Variants in UBAP1 observed in about 807,000 individuals in gnomAD.
UBAP1 encodes the protein ubiquitin-associated protein 1.
In UBAP1, 5 loss-of-function variants were observed where a neutral mutation model predicts 39.0. The ratio of observed to expected loss-of-function variants is 0.13; its 90% CI spans 0.07 to 0.27. The LOEUF (loss-of-function observed/expected upper bound fraction) is 0.27. Among genes scored for constraint, UBAP1 ranks in the 10% least tolerant of loss-of-function variants. The pLI, the probability that UBAP1 is intolerant of heterozygous loss-of-function variation, is 1.00. For missense variants in UBAP1, 490 were observed against 608.1 expected (o/e 0.81, Z 2.04); for synonymous variants, 211 against 225.1 (o/e 0.94, Z 0.56).
chr9:34,242,817 G>T (rs1834028336), intron 4 of UBAP1, among the ~76,000 whole-genome samples: 1 of 152,192 alleles, frequency 6.6e-6, no homozygotes, highest in Non-Finnish European at 1.5e-5. Flanking sequence ...GAGCCGCTGT[G>T]TCCGGCCAGC....
At chr9:34,196,461 A>G (rs1199326834) in intron 1 of UBAP1, among the ~76,000 whole-genome samples, 1 of 151,384 alleles carries the variant, frequency 6.6e-6, no homozygotes, top group Non-Finnish European at 1.5e-5. Context: ...GATTACAGGT[A>G]TGCATCACCA....
intron 1 of UBAP1, among the ~76,000 whole-genome samples, chr9:34,211,459 G>C (rs1832014269): frequency 6.6e-6 from 1 of 152,116 alleles, no homozygotes; most frequent in Non-Finnish European, 1.5e-5. Context: ...ACTGATTGCA[G>C]CTATTATTTT....
intron 1 of UBAP1, among the ~76,000 whole-genome samples, chr9:34,181,471 C>T (rs1374981629): frequency 3.6e-5 from 5 of 138,434 alleles, no homozygotes; most frequent in East Asian, 2.2e-4. Flanking sequence ...CTCCCTCTGT[C>T]GCCCAGGCTG....
chr9:34,216,475 T>C lies in UBAP1; in HGVS notation c.-7-4433T>C, dbSNP rs186156766. ...GCATCACACAATATTTGTGAACTTT[T>C]ATGTCTTCTTTTTTTTATTTTAAAT... On this transcript the variant is annotated intron_variant, in intron 1 of 6. Coordinates refer to ENST00000297661, the MANE Select transcript of UBAP1 (RefSeq NM_016525.5). 1.6e-4 allele frequency among the ~76,000 whole-genome samples: 25 copies of C among 152,022 alleles called. No homozygotes were observed. The East Asian group carries it at 4.1e-3, about 25-fold the overall frequency.
At chr9:34,242,821 G>A (rs1024852270) in intron 4 of UBAP1, among the ~76,000 whole-genome samples, 6 of 152,188 alleles carry the variant, frequency 3.9e-5, no homozygotes, top group South Asian at 4.1e-4. Flanking sequence ...CGCTGTGTCC[G>A]GCCAGCTTAC....
chr9:34,200,970 C>T (rs774376788), intron 1 of UBAP1, among the ~76,000 whole-genome samples: 5 of 152,054 alleles, frequency 3.3e-5, no homozygotes, highest in African/African-American at 9.7e-5. Context: ...AGTGTGATGG[C>T]GTGATCTTGG....
chr9:34,247,144 T>C (rs755930681), intron 4 of UBAP1, among the ~76,000 whole-genome samples: 4 of 152,126 alleles, frequency 2.6e-5, no homozygotes, highest in Non-Finnish European at 4.4e-5. Context: ...ATTTGGTGAG[T>C]AACTGGAGAA....
intron 4 of UBAP1, among the ~76,000 whole-genome samples, chr9:34,244,229 G>A (rs4008745): frequency 0.37 from 56,801 of 151,706 alleles, 11,658 homozygotes; most frequent in East Asian, 0.89. Flanking sequence ...CATCCTTCTA[G>A]TGTCTATGTC....
At chr9:34,196,937 T>TGTGTGTGTGTG (rs1491145601) in intron 1 of UBAP1, among the ~76,000 whole-genome samples, 2 of 150,190 alleles carry the variant, frequency 1.3e-5, no homozygotes, top group Admixed American at 6.7e-5. Flanking sequence ...TGTGTGTGTG[T>TGTGTGTGTGTG]TTTTAATTGA....
chr9:34,179,640 C>T (rs537913105), intron 1 of UBAP1, among the ~76,000 whole-genome samples: 2 of 151,786 alleles, frequency 1.3e-5, no homozygotes, highest in South Asian at 2.1e-4. Context: ...TGGGGACGTG[C>T]GGTGTAGATT....
intron 2 of UBAP1, chr9:34,224,652 CTA>C (rs1832954667): frequency 2.9e-6 from 1 of 340,928 alleles, no homozygotes; most frequent in Non-Finnish European, 5.5e-6. Flanking sequence ...CTGGAAAGAG[CTA>C]GTTGGGTTTT....
chr9:34,234,408 G>A, intron 3 of UBAP1, 68 bp downstream of exon 3: 3 of 1,507,328 alleles, frequency 2.0e-6, no homozygotes, highest in South Asian at 1.3e-5. Flanking sequence ...TTGATGTATA[G>A]TGAAATAGAA....
At chr9:34,235,483 C>T (rs566208588) in intron 3 of UBAP1, among the ~76,000 whole-genome samples, 1 of 151,936 alleles carries the variant, frequency 6.6e-6, no homozygotes, top group Admixed American at 6.6e-5. Flanking sequence ...GGACTACAGG[C>T]GCCCGCCACC....
intron 1 of UBAP1, among the ~76,000 whole-genome samples, chr9:34,217,802 T>TC (rs2131570924): frequency 7.4e-6 from 1 of 135,890 alleles, no homozygotes; most frequent in South Asian, 2.5e-4. Flanking sequence ...TTTTTTTTTT[T>TC]TTTTTTTTTT....
chr9:34,214,884 A>T (rs1372362599), intron 1 of UBAP1, among the ~76,000 whole-genome samples: 1 of 152,240 alleles, frequency 6.6e-6, no homozygotes, highest in Non-Finnish European at 1.5e-5. Context: ...AATGCCCAAC[A>T]TCACTAATGA....
rs369705432 is a variant in UBAP1, at chr9:34,249,889, G to C, written c.1194G>C (p.Thr398=). ...LSPSERQCVE[T]VVNMGYSYEC... ...CCAGCGAGCGGCAGTGTGTGGAGAC[G>C]GTGGTCAACATGGGCTACTCGTACG... is the stretch of plus-strand genomic sequence containing the variant. The change falls in exon 5 of 7, where the codon ACG becomes ACC. Residue 398 remains threonine (T), a synonymous_variant. Coordinates refer to ENST00000297661, the MANE Select transcript of UBAP1 (RefSeq NM_016525.5). The C allele has an allele frequency of 3.7e-6, 6 of 1,613,436 alleles. No homozygotes were observed. Among genetic ancestry groups the C allele is most frequent in the Non-Finnish European group, 5.1e-6 (6 of 1,179,852 alleles).
rs768251965 is a variant in UBAP1, at chr9:34,250,723, A to G, written c.1332A>G (p.Glu444=). The G allele has an allele frequency of 1.9e-6, 3 of 1,613,562 alleles. No homozygotes were observed. Among genetic ancestry groups the G allele is most frequent in the Non-Finnish European group, 2.5e-6 (3 of 1,179,646 alleles). ...CEKGFDPLLV[E]EALEMHQCSE... is the part of the protein sequence containing the mutation. ...AGGGCTTCGACCCTCTTTTAGTGGA[A>G]GAGGCTCTGGAAATGCACCAGTGTT... Residue 444 remains glutamate (E), a synonymous_variant, in exon 6 of 7, where the codon GAA becomes GAG. Transcript: ENST00000297661.
intron 1 of UBAP1, among the ~76,000 whole-genome samples, chr9:34,193,566 C>G (rs1355789399): frequency 1.3e-5 from 2 of 152,170 alleles, no homozygotes; most frequent in African/African-American, 2.4e-5. Context: ...TTATGACCCA[C>G]TGTCTTCATG....
rs1832730249 is a variant in UBAP1, at chr9:34,221,067, AAAAT to A, written c.34+123_34+126del. 2.4e-5 allele frequency: 21 copies of A among 857,430 alleles called. No individual in the cohort carries two copies. The South Asian group carries it at 3.0e-4, about 12-fold the overall frequency. 53.1% of individuals were successfully genotyped at this position (857,430 alleles called of 1,614,324 possible). On this transcript the variant is annotated intron_variant, in intron 2 of 6. Transcript: ENST00000297661. ...GTCTCTTTTAATGAACAGCTTGACA[AAAAT>A]AAAGTTGTACAACAATGTATCAAGT... is the stretch of plus-strand genomic sequence containing the variant.
Sources: allele counts gnomAD v4.1 joint callset (sites outside exome capture counted in the v4.1 genomes callset), GRCh38; gene constraint gnomAD v4.1.1; transcripts MANE v1.5; gene names NCBI Gene and HGNC (gene_info 2026-07-23, HGNC 2026-07-21).